MAN2A1: variants seen among roughly 807,000 people sequenced by gnomAD.
The protein encoded by MAN2A1 is mannosidase alpha class 2A member 1, also known as alpha-mannosidase 2.
MAN2A1 carries 76 observed loss-of-function variants against 142.6 expected under a neutral mutation model. The observed-to-expected ratio is 0.53, with a 90% CI of 0.44 to 0.65. MAN2A1 has a LOEUF of 0.65. Among genes scored for constraint, MAN2A1 ranks in the 30% least tolerant of loss-of-function variants. The probability of loss-of-function intolerance (pLI) is 0.00; values close to 1 mark genes in which losing one functional copy is unlikely to be tolerated. For missense variants in MAN2A1, 1,311 were observed against 1,365.1 expected, an observed-to-expected ratio of 0.96 and a Z score of 0.62; for synonymous variants, 559 against 473.2, an observed-to-expected ratio of 1.18 and a Z score of -2.35.
intron 12 of MAN2A1, among the ~76,000 whole-genome samples, chr5:109,799,636 C>A (rs1316580607): frequency 6.6e-6 from 1 of 152,000 alleles, no homozygotes; most frequent in African/African-American, 2.4e-5. Flanking sequence ...TGCCTGGAAT[C>A]CCAGCTACTT....
At chr5:109,820,470 A>G in intron 15 of MAN2A1, 128 bp downstream of exon 15, 1 of 922,886 alleles carries the variant, frequency 1.1e-6, no homozygotes, top group Non-Finnish European at 1.6e-6. Flanking sequence ...TTTTGGTTGC[A>G]GTATTATCTA....
At chr5:109,713,348 T>C (rs1256648331) in intron 1 of MAN2A1, among the ~76,000 whole-genome samples, 172 bp from the exon 2 acceptor site, 1 of 152,164 alleles carries the variant, frequency 6.6e-6, no homozygotes, top group Non-Finnish European at 1.5e-5. Context: ...TAAATTGGTG[T>C]TTCAACCCTG....
At chr5:109,850,098 C>T (rs962986343) in intron 19 of MAN2A1, among the ~76,000 whole-genome samples, 1 of 152,160 alleles carries the variant, frequency 6.6e-6, no homozygotes, top group African/African-American at 2.4e-5. Flanking sequence ...TGCAAGTGTG[C>T]GATTATTTGA....
chr5:109,751,879 C>G (rs549562584), intron 4 of MAN2A1, among the ~76,000 whole-genome samples: 1 of 151,860 alleles, frequency 6.6e-6, no homozygotes, highest in Non-Finnish European at 1.5e-5. Context: ...CTCATCATTC[C>G]CTATTTTCTC....
chr5:109,866,909 T>C lies in MAN2A1; in HGVS notation c.3346T>C (p.Leu1116=), dbSNP rs762247722. 9 of 1,612,128 alleles carry C rather than the reference T, an allele frequency of 5.6e-6. No individual in the cohort carries two copies. The highest frequency in any genetic ancestry group is 1.1e-5 in the South Asian group (1 of 90,964). ...VESLTPSSLS[L]MHSPPGTQNI... ...AAGTCTCACACCTTCATCACTATCC[T>C]TGATGCATTCACCTCCCGGCACTCA... Residue 1116 remains leucine, a synonymous_variant, in exon 22 of 22, where the codon TTG becomes CTG. Coordinates refer to ENST00000261483, the MANE Select transcript of MAN2A1 (RefSeq NM_002372.4).
At chr5:109,767,273 A>G (rs764305969) in intron 5 of MAN2A1, among the ~76,000 whole-genome samples, 3 of 152,136 alleles carry the variant, frequency 2.0e-5, no homozygotes, top group Non-Finnish European at 4.4e-5. Context: ...AAAAGATGTT[A>G]ATGGCTAAAA....
At chr5:109,723,114 G>T (rs1339296622) in intron 3 of MAN2A1, among the ~76,000 whole-genome samples, 1 of 152,156 alleles carries the variant, frequency 6.6e-6, no homozygotes, top group Non-Finnish European at 1.5e-5. Flanking sequence ...TACATTGTAC[G>T]TATAGGGCTG....
chr5:109,746,324 T>A (rs1388477968), intron 4 of MAN2A1, among the ~76,000 whole-genome samples: 2 of 152,138 alleles, frequency 1.3e-5, no homozygotes, highest in Non-Finnish European at 2.9e-5. Flanking sequence ...ATAGCATTTA[T>A]AGTTCAGAAA....
intron 4 of MAN2A1, among the ~76,000 whole-genome samples, chr5:109,740,365 C>T (rs539958836): frequency 1.7e-4 from 26 of 152,316 alleles, no homozygotes; most frequent in Middle Eastern, 3.4e-3. Context: ...GGTGTAGCTG[C>T]TGAGCCTGGG....
At chr5:109,779,798 C>G (rs1462175643) in intron 8 of MAN2A1, among the ~76,000 whole-genome samples, 1 of 152,138 alleles carries the variant, frequency 6.6e-6, no homozygotes, top group African/African-American at 2.4e-5. Flanking sequence ...CAAGATCACT[C>G]TCTGTTTGGT....
chr5:109,736,112 G>C (rs1266628917), intron 4 of MAN2A1, among the ~76,000 whole-genome samples: 1 of 151,922 alleles, frequency 6.6e-6, no homozygotes, highest in Non-Finnish European at 1.5e-5. Flanking sequence ...AAAATACCTA[G>C]AGTTTTTACA....
rs1561508961 is a variant in MAN2A1 at position 109,781,418 on chromosome 5, A to G, written c.1397A>G (p.Asp466Gly). 1.2e-6 allele frequency: 2 copies of G among 1,604,402 alleles called. No individual in the cohort carries two copies. Among genetic ancestry groups the G allele is most frequent in the Non-Finnish European group, 1.7e-6 (2 of 1,177,452 alleles). Reference sequence around the variant, plus strand: ...TAGATACAGTTTGGAACTTTATCAGATTTTTTTGATGCGCTGGATAAAGCA... The same window carrying G: ...TAGATACAGTTTGGAACTTTATCAGGTTTTTTTGATGCGCTGGATAAAGCA... ...KVKIQFGTLS[D>G]FFDALDKADE... The change falls in exon 9 of 22, where the codon GAT becomes GGT. Residue 466 changes from aspartate to glycine, a missense_variant. By Grantham distance (94) the Asp-to-Gly change is moderately conservative. Around this residue, in one of 3 missense-constraint regions of MAN2A1, gnomAD observed 890 missense variants for 920.5 expected, o/e 0.97. Transcript: ENST00000261483.
chr5:109,726,086 T>A (rs1470506833), intron 3 of MAN2A1, among the ~76,000 whole-genome samples: 2 of 152,294 alleles, frequency 1.3e-5, no homozygotes, highest in South Asian at 4.1e-4. Context: ...CTTAATGCTG[T>A]TCTAGCCCTC....
rs533055692 is a variant in MAN2A1 at position 109,830,906 on chromosome 5, T to C, written c.2566+7069T>C. Among the ~76,000 whole-genome samples, 3 of 152,300 alleles carry C rather than the reference T, an allele frequency of 2.0e-5. No homozygotes were observed. The South Asian group carries it at 6.2e-4, about 32-fold the overall frequency. ...ACACAGATTCAGAACTCAGAGGTTATCTTTGGGGCTGTTTGAGAGCAGCTG... is the reference window on the plus strand; with the variant it reads ...ACACAGATTCAGAACTCAGAGGTTACCTTTGGGGCTGTTTGAGAGCAGCTG... On this transcript the variant is annotated intron_variant, in intron 16 of 21. Coordinates refer to ENST00000261483, the MANE Select transcript of MAN2A1 (RefSeq NM_002372.4).
At chr5:109,852,933 G>A (rs1479946938) in intron 19 of MAN2A1, among the ~76,000 whole-genome samples, 1 of 152,152 alleles carries the variant, frequency 6.6e-6, no homozygotes, top group Admixed American at 6.6e-5. Context: ...AACTCTGGGT[G>A]AGACTTTGCC....
intron 4 of MAN2A1, among the ~76,000 whole-genome samples, chr5:109,747,268 CAT>C: frequency 6.6e-6 from 1 of 152,164 alleles, no homozygotes; most frequent in East Asian, 1.9e-4. Flanking sequence ...AAATATTTTA[CAT>C]AGACATAAAT....
chr5:109,853,158 G>T (rs1755525988), intron 19 of MAN2A1, among the ~76,000 whole-genome samples: 1 of 152,184 alleles, frequency 6.6e-6, no homozygotes. Flanking sequence ...CTAATGCAAA[G>T]GTAGTTAAAA....
At chr5:109,705,495 G>C (rs1296231521) in intron 1 of MAN2A1, among the ~76,000 whole-genome samples, 1 of 152,152 alleles carries the variant, frequency 6.6e-6, no homozygotes, top group Non-Finnish European at 1.5e-5. Flanking sequence ...TGGGCTCACA[G>C]CTCCTTAGGG....
rs537639297 is a variant in MAN2A1 at position 109,691,984 on chromosome 5, C to G, written c.135+1432C>G. Among the ~76,000 whole-genome samples, 8 of 152,296 alleles carry G rather than the reference C, an allele frequency of 5.3e-5. No individual in the cohort carries two copies. The South Asian group carries it at 1.5e-3, about 28-fold the overall frequency. Reference sequence around the variant, plus strand: ...GTAATTTTTTTCCCTCCAGTAACCTCATTTTCAGATTTTCCTCCATTACAG... The same window carrying G: ...GTAATTTTTTTCCCTCCAGTAACCTGATTTTCAGATTTTCCTCCATTACAG... On this transcript the variant is annotated intron_variant, in intron 1 of 21. Transcript: ENST00000261483.
Sources: gnomAD v4.1 joint callset for allele counts (sites outside exome capture counted in the v4.1 genomes callset) on GRCh38, gnomAD v4.1.1 for gene constraint, gnomAD v4.1.1 regional missense constraint, MANE v1.5 for transcripts, NCBI Gene and HGNC (gene_info 2026-07-23, HGNC 2026-07-21) for gene names.